Variants in PAMR1 observed in about 807,000 individuals in gnomAD.
The protein encoded by PAMR1 is peptidase domain containing associated with muscle regeneration 1.
In PAMR1, 88 loss-of-function variants were observed where a neutral mutation model predicts 81.8. That is an observed-to-expected ratio of 1.08 (90% CI 0.91 to 1.28). The LOEUF (loss-of-function observed/expected upper bound fraction) is 1.28, where lower values mean the gene tolerates loss of function less well. Among genes scored for constraint, PAMR1 ranks in the 50% most tolerant of loss-of-function variants. PAMR1 has a pLI of 0.00. For missense variants in PAMR1, 935 were observed against 919.7 expected (o/e 1.02, Z -0.21); for synonymous variants, 336 against 345.3 (o/e 0.97, Z 0.30).
At chr11:35,474,225 A>G (rs1416590250) in intron 4 of PAMR1, among the ~76,000 whole-genome samples, 4 of 152,252 alleles carry the variant, frequency 2.6e-5, no homozygotes, top group Non-Finnish European at 4.4e-5. Flanking sequence ...GAAAGCCCCA[A>G]TTAAAGGAGC....
chr11:35,475,931 G>A lies in PAMR1; in HGVS notation c.380-1187C>T, dbSNP rs553244163. On this transcript the variant is annotated intron_variant, in intron 3 of 10. Coordinates refer to ENST00000619888, the MANE Select transcript of PAMR1 (RefSeq NM_001001991.3). ...AAATCCAGATTGCCTTCTTAAACTT[G>A]GATGCATAGTTATATTCAATAACTC... 2.0e-5 allele frequency among the ~76,000 whole-genome samples: 3 copies of A among 152,156 alleles called. No individual in the cohort carries two copies. In the South Asian group the frequency reaches 6.2e-4, roughly 32 times the overall value.
chr11:35,473,997 T>C (rs539303039), intron 4 of PAMR1, among the ~76,000 whole-genome samples: 10 of 152,374 alleles, frequency 6.6e-5, no homozygotes, highest in Admixed American at 2.0e-4. Context: ...TAGTGTGCCA[T>C]GAACTGTTCC....
In PAMR1 at chr11:35,435,978, G is replaced by T; in HGVS notation, c.1258C>A (p.Arg420Ser). 6.2e-7 allele frequency: 1 copy of T among 1,614,172 alleles called. No homozygotes were observed. The highest frequency in any genetic ancestry group is 8.5e-7 in the Non-Finnish European group (1 of 1,180,030). The change falls in exon 9 of 11, where the codon CGC becomes AGC. Residue 420 changes from arginine (R) to serine (S), a missense_variant. Coordinates refer to ENST00000619888, the MANE Select transcript of PAMR1 (RefSeq NM_001001991.3). ...LQYECISPFY[R>S]RLGSSRRTCL... Reference sequence around the variant, plus strand: ...GTCCTCCTGCTGCTGCCCAGGCGGCGGTAGAAGGGTGAGATGCACTCATAC... The same window carrying T: ...GTCCTCCTGCTGCTGCCCAGGCGGCTGTAGAAGGGTGAGATGCACTCATAC...
At chr11:35,439,169 T>C (rs556083062) in intron 8 of PAMR1, among the ~76,000 whole-genome samples, 1 of 152,322 alleles carries the variant, frequency 6.6e-6, no homozygotes, top group African/African-American at 2.4e-5. Flanking sequence ...TCCTTCTGCA[T>C]GGCTGGTCAT....
In PAMR1 at chr11:35,454,723, G is replaced by T. The variant is rs1516986; in HGVS notation, c.821-13030C>A. On this transcript the variant is annotated intron_variant, in intron 6 of 10. Transcript: ENST00000619888. ...AGCTGTCTTAACCCTGGGTATCAGG[G>T]TCTGTGTGCAGCACTCCTAGGCAGT... 1.3e-4 allele frequency among the ~76,000 whole-genome samples: 19 copies of T among 151,690 alleles called. No individual in the cohort carries two copies. In the East Asian group the frequency reaches 3.7e-3, roughly 29 times the overall value.
chr11:35,433,184 G>A (rs890572827), intron 10 of PAMR1, among the ~76,000 whole-genome samples: 2 of 152,226 alleles, frequency 1.3e-5, no homozygotes, highest in African/African-American at 4.8e-5. Flanking sequence ...GCCACTCCAT[G>A]CTGAAATGGG....
intron 1 of PAMR1, among the ~76,000 whole-genome samples, chr11:35,497,667 G>A (rs1241214540): frequency 2.8e-4 from 43 of 151,996 alleles, no homozygotes; most frequent in Non-Finnish European, 1.2e-4. Context: ...CTTCCTATAG[G>A]TAAAATGTTT....
intron 6 of PAMR1, among the ~76,000 whole-genome samples, chr11:35,466,726 C>CCAAAAA (rs1856764425): frequency 1.6e-5 from 1 of 63,948 alleles, no homozygotes; most frequent in African/African-American, 6.3e-5. Context: ...GGCTCTATCT[C>CCAAAAA]AAAAAAAAAA....
upstream of PAMR1, among the ~76,000 whole-genome samples, chr11:35,527,576 C>G (rs55782193): frequency 0.23 from 34,995 of 151,966 alleles, 4,250 homozygotes; most frequent in Non-Finnish European, 0.27. Flanking sequence ...GGCAGAGGTT[C>G]GAAGAAGGGA....
chr11:35,448,841 T>A (rs1856351886), intron 6 of PAMR1, among the ~76,000 whole-genome samples: 1 of 152,182 alleles, frequency 6.6e-6, no homozygotes, highest in South Asian at 2.1e-4. Context: ...TCTTTTTTGT[T>A]GATGTTGTTG....
chr11:35,527,789 C>G (rs1434289228), upstream of PAMR1, among the ~76,000 whole-genome samples: 2 of 152,154 alleles, frequency 1.3e-5, no homozygotes, highest in Non-Finnish European at 2.9e-5. Context: ...ATTTCTTAAT[C>G]TTTACTCCAG....
At chr11:35,517,935 G>A (rs560260457) in intron 1 of PAMR1, among the ~76,000 whole-genome samples, 2 of 152,332 alleles carry the variant, frequency 1.3e-5, no homozygotes, top group East Asian at 1.9e-4. Context: ...GACAAAGACC[G>A]ATGTTAGAAT....
At chr11:35,450,805 A>T (rs1373145415) in intron 6 of PAMR1, among the ~76,000 whole-genome samples, 1 of 152,216 alleles carries the variant, frequency 6.6e-6, no homozygotes, top group Non-Finnish European at 1.5e-5. Flanking sequence ...ATATAGCAAT[A>T]ATCAACTGGA....
chr11:35,525,381 C>G (rs1031438711), intron 1 of PAMR1, 132 bp downstream of exon 1: 3 of 702,044 alleles, frequency 4.3e-6, no homozygotes, highest in South Asian at 1.8e-5. Context: ...ACCACCCCCC[C>G]TCAACCCCTC....
chr11:35,501,233 T>G (rs1850834355), intron 1 of PAMR1, among the ~76,000 whole-genome samples: 1 of 151,546 alleles, frequency 6.6e-6, no homozygotes, highest in African/African-American at 2.4e-5. Context: ...CAAACTCAAG[T>G]GATCCTCCCA....
chr11:35,484,827 C>T (rs143740554), intron 3 of PAMR1, among the ~76,000 whole-genome samples: 54 of 152,294 alleles, frequency 3.5e-4, no homozygotes, highest in African/African-American at 1.2e-3. Flanking sequence ...GCTCTTGGGC[C>T]CTCCTGCTGC....
At chr11:35,503,675 T>C (rs1224348052) in intron 1 of PAMR1, among the ~76,000 whole-genome samples, 4 of 152,142 alleles carry the variant, frequency 2.6e-5, no homozygotes, top group Non-Finnish European at 4.4e-5. Flanking sequence ...TTTCAGATTA[T>C]GTTGGTGTAT....
At chr11:35,475,803 A>G (rs1313179054) in intron 3 of PAMR1, among the ~76,000 whole-genome samples, 1 of 152,216 alleles carries the variant, frequency 6.6e-6, no homozygotes, top group African/African-American at 2.4e-5. Context: ...CTATCATGGC[A>G]GAGTTAAGTA....
chr11:35,501,753 A>C (rs1402542773), intron 1 of PAMR1, among the ~76,000 whole-genome samples: 1 of 152,176 alleles, frequency 6.6e-6, no homozygotes, highest in Non-Finnish European at 1.5e-5. Flanking sequence ...GTAGCTGCAA[A>C]TAAGAGGATT....
Sources: allele counts gnomAD v4.1 joint callset (sites outside exome capture counted in the v4.1 genomes callset), GRCh38; gene constraint gnomAD v4.1.1; transcripts MANE v1.5; gene names NCBI Gene and HGNC (gene_info 2026-07-23, HGNC 2026-07-21).